Variants in PRR5L observed in about 807,000 individuals in gnomAD.
The protein encoded by PRR5L is proline-rich protein 5-like.
A neutral mutation model predicts 36.4 loss-of-function variants in PRR5L; 21 were observed. The observed-to-expected ratio is 0.58, with a 90% CI of 0.41 to 0.83. The LOEUF is 0.83. Ranked by LOEUF, PRR5L falls within the 40% of genes least tolerant of loss-of-function variation. The pLI is 0.00. For synonymous variants in PRR5L, 188 were observed against 197.0 expected, an observed-to-expected ratio of 0.95 and a Z score of 0.38; for missense variants, 381 against 473.3, an observed-to-expected ratio of 0.80 and a Z score of 1.81.
intron 1 of PRR5L, chr11:36,297,555 T>G (rs1450552808): frequency 6.6e-6 from 1 of 152,166 alleles, no homozygotes; most frequent in African/African-American, 2.4e-5. Context: ...CAAACTTTAT[T>G]TTTGCCTATC....
At chr11:36,437,796 G>A (rs555194588) in intron 6 of PRR5L, among the ~76,000 whole-genome samples, 21 of 151,988 alleles carry the variant, frequency 1.4e-4, no homozygotes, top group Middle Eastern at 3.4e-3. Flanking sequence ...GAGATTTCTT[G>A]TTTCTTTTCT....
intron 1 of PRR5L, among the ~76,000 whole-genome samples, chr11:36,371,098 C>G (rs1857193580): frequency 6.6e-6 from 1 of 152,034 alleles, no homozygotes; most frequent in African/African-American, 2.4e-5. Flanking sequence ...ATGATAAAAC[C>G]CAACATACCA....
intron 4 of PRR5L, among the ~76,000 whole-genome samples, chr11:36,420,279 T>G (rs2133583539): frequency 6.6e-6 from 1 of 152,366 alleles, no homozygotes; most frequent in Admixed American, 6.5e-5. Flanking sequence ...AAGTTTATTA[T>G]ATGCTTTATG....
At chr11:36,320,614 G>A (rs1452537832) in intron 1 of PRR5L, among the ~76,000 whole-genome samples, 1 of 152,194 alleles carries the variant, frequency 6.6e-6, no homozygotes, top group Non-Finnish European at 1.5e-5. Flanking sequence ...CTCATCTGCT[G>A]TAAGCCCTAC....
chr11:36,414,949 A>C (rs4756312), intron 3 of PRR5L, among the ~76,000 whole-genome samples: 134,773 of 135,472 alleles, frequency 0.99, 67,062 homozygotes, highest in East Asian at 1. Context: ...GTTTTCCCAG[A>C]ACCATTTATT....
rs370388606 is a variant in PRR5L, at chr11:36,338,931, C to G, written c.-126+42493C>G. Among the ~76,000 whole-genome samples the G allele has an allele frequency of 4.6e-5, 7 of 152,096 alleles. No individual in the cohort carries two copies. The East Asian group carries it at 9.7e-4, about 21-fold the overall frequency. The stretch of plus-strand genomic sequence containing the variant: ...ACTGAGTCACGGGGGCCCGTCTTTC[C>G]CGTGCTATTCTCGTGATAGTGAATA... On this transcript the variant is annotated intron_variant, in intron 1 of 8. Transcript: ENST00000530639.
intron 1 of PRR5L, among the ~76,000 whole-genome samples, chr11:36,351,272 T>TCA (rs1565407178): frequency 1.5e-4 from 3 of 20,170 alleles, no homozygotes; most frequent in African/African-American, 2.5e-4. Flanking sequence ...ATTTATATAT[T>TCA]TATATATATG....
At chr11:36,413,214 C>T (rs948169683) in intron 3 of PRR5L, among the ~76,000 whole-genome samples, 1 of 152,216 alleles carries the variant, frequency 6.6e-6, no homozygotes, top group African/African-American at 2.4e-5. Context: ...GCTGGGGACT[C>T]CTGGCCCCCT....
intron 1 of PRR5L, among the ~76,000 whole-genome samples, chr11:36,320,879 G>A (rs1316036177): frequency 6.6e-6 from 1 of 152,140 alleles, no homozygotes; most frequent in Non-Finnish European, 1.5e-5. Flanking sequence ...CATATAATAT[G>A]CTTAGTACAT....
At chr11:36,383,695 CTTTTTTTT>C (rs34900545) in intron 1 of PRR5L, among the ~76,000 whole-genome samples, 3 of 109,250 alleles carry the variant, frequency 2.7e-5, no homozygotes, top group South Asian at 5.8e-4. Context: ...CTTTCTTTTC[CTTTTTTTT>C]TTTTTTTTTT....
chr11:36,302,015 T>G (rs1226483274), intron 1 of PRR5L, among the ~76,000 whole-genome samples: 1 of 152,152 alleles, frequency 6.6e-6, no homozygotes, highest in East Asian at 1.9e-4. Flanking sequence ...TGTGCAAATA[T>G]GGCAAAACGT....
intron 1 of PRR5L, among the ~76,000 whole-genome samples, chr11:36,374,013 T>C (rs1857223535): frequency 6.6e-6 from 1 of 152,134 alleles, no homozygotes; most frequent in Admixed American, 6.5e-5. Context: ...ACCCTGAAAG[T>C]AGGAGGTGGT....
rs554441437 is a variant in PRR5L at position 36,418,122 on chromosome 11, C to T, written c.246-1133C>T. Among the ~76,000 whole-genome samples, 5 of 152,312 alleles carry T rather than the reference C, an allele frequency of 3.3e-5. No homozygotes were observed. The East Asian group carries it at 5.8e-4, about 18-fold the overall frequency. On this transcript the variant is annotated intron_variant, in intron 3 of 8. Coordinates refer to ENST00000530639, the MANE Select transcript of PRR5L (RefSeq NM_001160167.2). ...TATTAACGTGCTATCTATCCATCAGCCCCCAAGAAGAGAGCAGAGACCTTG... is the reference window on the plus strand; with the variant it reads ...TATTAACGTGCTATCTATCCATCAGTCCCCAAGAAGAGAGCAGAGACCTTG...
intron 4 of PRR5L, among the ~76,000 whole-genome samples, chr11:36,419,863 C>T (rs1383163341): frequency 1.3e-5 from 2 of 152,148 alleles, no homozygotes; most frequent in Non-Finnish European, 2.9e-5. Flanking sequence ...TTAGTATTAC[C>T]GAGAAAATAG....
At chr11:36,343,454 G>A (rs1460169200) in intron 1 of PRR5L, among the ~76,000 whole-genome samples, 2 of 152,174 alleles carry the variant, frequency 1.3e-5, no homozygotes, top group African/African-American at 2.4e-5. Flanking sequence ...CTGAAATATG[G>A]TTTCACTTAC....
intron 8 of PRR5L, among the ~76,000 whole-genome samples, chr11:36,458,012 T>C (rs1338839838): frequency 6.6e-6 from 1 of 152,184 alleles, no homozygotes. Context: ...GTAATACAGG[T>C]ATTATAAGAA....
intron 1 of PRR5L, among the ~76,000 whole-genome samples, chr11:36,347,044 G>A (rs1021201422): frequency 1.3e-5 from 2 of 152,194 alleles, no homozygotes; most frequent in African/African-American, 2.4e-5. Context: ...ACTTTGCATA[G>A]TGTATAATAT....
chr11:36,335,959 C>T (rs1856764818), intron 1 of PRR5L, among the ~76,000 whole-genome samples: 1 of 152,090 alleles, frequency 6.6e-6, no homozygotes, highest in Non-Finnish European at 1.5e-5. Flanking sequence ...AGAACATAGT[C>T]AAAGGAGTAA....
At chr11:36,309,178 G>A (rs12226509) in intron 1 of PRR5L, among the ~76,000 whole-genome samples, 1 of 152,118 alleles carries the variant, frequency 6.6e-6, no homozygotes, top group African/African-American at 2.4e-5. Context: ...ACTTGGAGTT[G>A]TTTTGGTGAG....
Sources: allele counts gnomAD v4.1 joint callset (sites outside exome capture counted in the v4.1 genomes callset), GRCh38; gene constraint gnomAD v4.1.1; transcripts MANE v1.5; gene names NCBI Gene and HGNC (gene_info 2026-07-23, HGNC 2026-07-21).